The following DOCK4 variants were observed in gnomAD, a reference collection of about 807,000 sequenced individuals.
The protein encoded by DOCK4 is dedicator of cytokinesis 4.
Under a neutral mutation model 268.1 loss-of-function variants are expected in DOCK4, and 97 were observed. The observed-to-expected ratio is 0.36, with a 90% CI of 0.31 to 0.43. The LOEUF is 0.43. Ranked by LOEUF, DOCK4 falls within the 20% of genes least tolerant of loss-of-function variation. The probability of loss-of-function intolerance (pLI) is 1.00; values close to 1 mark genes in which losing one functional copy is unlikely to be tolerated. For synonymous variants in DOCK4, 954 were observed against 887.2 expected (o/e 1.08, Z -1.34); for missense variants, 2,145 against 2,455.7 (o/e 0.87, Z 2.67).
intron 1 of DOCK4, among the ~76,000 whole-genome samples, chr7:112,099,074 G>C (rs1586819938): frequency 6.6e-6 from 1 of 152,018 alleles, no homozygotes; most frequent in South Asian, 2.1e-4. Flanking sequence ...CGGATGGCTT[G>C]AGCCCAGGAG....
intron 1 of DOCK4, among the ~76,000 whole-genome samples, chr7:112,185,803 A>C (rs780992439): frequency 1.2e-4 from 19 of 152,184 alleles, no homozygotes; most frequent in Non-Finnish European, 2.5e-4. Context: ...CAATGAATGC[A>C]CAGTCTTAAA....
intron 4 of DOCK4, among the ~76,000 whole-genome samples, chr7:111,997,572 GAAC>G: frequency 6.6e-6 from 1 of 152,244 alleles, no homozygotes; most frequent in South Asian, 2.1e-4. Context: ...AGCCTCGTTG[GAAC>G]TTTTATCTTA....
intron 12 of DOCK4, among the ~76,000 whole-genome samples, chr7:111,933,938 C>A (rs915522101): frequency 5.9e-5 from 9 of 152,158 alleles, no homozygotes; most frequent in Non-Finnish European, 1.2e-4. Context: ...GTGGTTTTCT[C>A]TTTGCGGTCA....
chr7:111,841,799 ACT>A (rs1393114341), intron 25 of DOCK4, among the ~76,000 whole-genome samples: 6 of 152,294 alleles, frequency 3.9e-5, no homozygotes, highest in African/African-American at 1.2e-4. Flanking sequence ...GACCTGATTC[ACT>A]GACTTCCTGA....
intron 1 of DOCK4, among the ~76,000 whole-genome samples, chr7:112,153,544 C>A (rs2116419874): frequency 6.6e-6 from 1 of 152,212 alleles, no homozygotes; most frequent in East Asian, 1.9e-4. Flanking sequence ...AGGCAATTCC[C>A]AGCTTATCAA....
chr7:112,104,719 T>C (rs1194862723), intron 1 of DOCK4, among the ~76,000 whole-genome samples: 2 of 152,120 alleles, frequency 1.3e-5, no homozygotes, highest in Non-Finnish European at 2.9e-5. Context: ...AGAAAGAATA[T>C]AAAAAGCGTA....
At chr7:112,053,161 A>G (rs1586725963) in intron 1 of DOCK4, among the ~76,000 whole-genome samples, 1 of 152,320 alleles carries the variant, frequency 6.6e-6, no homozygotes, top group Admixed American at 6.5e-5. Context: ...AGGAAAGGCA[A>G]TGACAGGCCA....
intron 30 of DOCK4, among the ~76,000 whole-genome samples, chr7:111,797,235 T>C (rs1034437959): frequency 1.3e-5 from 2 of 152,158 alleles, no homozygotes; most frequent in Non-Finnish European, 2.9e-5. Flanking sequence ...TTAGCAATCT[T>C]ATCAGACAGA....
At chr7:112,187,168 A>G (rs752459181) in intron 1 of DOCK4, among the ~76,000 whole-genome samples, 1 of 152,216 alleles carries the variant, frequency 6.6e-6, no homozygotes, top group Non-Finnish European at 1.5e-5. Flanking sequence ...ACAAAACTCA[A>G]TAGCAAAATA....
intron 4 of DOCK4, among the ~76,000 whole-genome samples, chr7:111,994,831 T>C (rs1429408215): frequency 6.6e-6 from 1 of 152,214 alleles, no homozygotes; most frequent in Non-Finnish European, 1.5e-5. Flanking sequence ...ATAGAACTTA[T>C]GGCTTATGAC....
rs371625549 is a variant in DOCK4 at position 111,746,071 on chromosome 7, C to A, written c.4677+263G>T. Reference sequence around the variant, plus strand: ...TATGCAAATATTTCAAAATCTGAAACACTTATGGTCCCAAGTATTTTGGAT... The same window carrying A: ...TATGCAAATATTTCAAAATCTGAAAAACTTATGGTCCCAAGTATTTTGGAT... On this transcript the variant is annotated intron_variant, in intron 44 of 52. Transcript: ENST00000428084. 1.9e-4 allele frequency among the ~76,000 whole-genome samples: 29 copies of A among 152,240 alleles called. 2 individuals are homozygous for A. The East Asian group carries it at 4.8e-3, about 25-fold the overall frequency.
chr7:112,070,005 G>A (rs781715478), intron 1 of DOCK4, among the ~76,000 whole-genome samples: 4 of 152,016 alleles, frequency 2.6e-5, no homozygotes, highest in South Asian at 2.1e-4. Flanking sequence ...CAGGAGTTCC[G>A]ATCTTAGCCA....
At chr7:111,862,660 T>C (rs1805647265) in intron 23 of DOCK4, among the ~76,000 whole-genome samples, 1 of 151,676 alleles carries the variant, frequency 6.6e-6, no homozygotes, top group Non-Finnish European at 1.5e-5. Context: ...TCGGGTAATT[T>C]TTTTGTATTT....
At chr7:112,031,239 T>G (rs1282908221) in intron 1 of DOCK4, among the ~76,000 whole-genome samples, 2 of 152,214 alleles carry the variant, frequency 1.3e-5, no homozygotes, top group Non-Finnish European at 2.9e-5. Flanking sequence ...TTCAGCCCAG[T>G]GCATTGCCTA....
intron 42 of DOCK4, among the ~76,000 whole-genome samples, chr7:111,752,125 T>C (rs768863205): frequency 2.6e-5 from 4 of 152,200 alleles, no homozygotes; most frequent in Non-Finnish European, 5.9e-5. Flanking sequence ...TGAAGTGATA[T>C]GACATCTGAG....
chr7:111,955,787 G>A (rs1796406683), intron 8 of DOCK4, among the ~76,000 whole-genome samples: 1 of 152,154 alleles, frequency 6.6e-6, no homozygotes, highest in Non-Finnish European at 1.5e-5. Context: ...TAAGCAATTG[G>A]TGAATTAAAG....
Position 111,766,911 on chromosome 7 carries a change from C to T in DOCK4, c.3915+121G>A, listed in dbSNP as rs1473335248. The T allele has an allele frequency of 4.3e-6, 3 of 697,796 alleles. No individual in the cohort carries two copies. The Admixed American group carries it at 7.9e-5, about 18-fold the overall frequency. 43.2% of individuals were successfully genotyped at this position (697,796 alleles called of 1,614,324 possible). On this transcript the variant is annotated intron_variant, in intron 38 of 52. Coordinates refer to ENST00000428084, the MANE Select transcript of DOCK4 (RefSeq NM_001363540.2). ...TCTATATAAATAGCTAAGTATGCTT[C>T]AGAGGATTTATCTTAAAAAGGGTTT...
At chr7:112,139,753 A>G (rs1814715637) in intron 1 of DOCK4, among the ~76,000 whole-genome samples, 2 of 152,220 alleles carry the variant, frequency 1.3e-5, no homozygotes, top group South Asian at 2.1e-4. Context: ...AGAGACAGAA[A>G]AAATCATTAT....
chr7:112,023,729 A>G (rs1232670831), intron 1 of DOCK4: 1 of 386,876 alleles, frequency 2.6e-6, no homozygotes, highest in Non-Finnish European at 5.1e-6. Flanking sequence ...GGGGGTGCAT[A>G]CCTTGTGCAG....
Sources: gnomAD v4.1 joint callset for allele counts (sites outside exome capture counted in the v4.1 genomes callset) on GRCh38, gnomAD v4.1.1 for gene constraint, MANE v1.5 for transcripts, NCBI Gene and HGNC (gene_info 2026-07-23, HGNC 2026-07-21) for gene names.